Variants in ROR2 observed in about 807,000 individuals in gnomAD.
ROR2 encodes the protein ROR family WNT receptor 2.
ROR2 carries 33 observed loss-of-function variants against 74.9 expected under a neutral mutation model. The observed-to-expected ratio is 0.44, with a 90% CI of 0.33 to 0.59. ROR2 has a LOEUF of 0.59. ROR2 is among the 20% of genes least tolerant of loss of function. The pLI is 0.02. For synonymous variants in ROR2, 586 were observed against 558.7 expected, an observed-to-expected ratio of 1.05 and a Z score of -0.69; for missense variants, 1,216 against 1,313.8, an observed-to-expected ratio of 0.93 and a Z score of 1.15.
chr9:91,737,802 T>A (rs1001727012), intron 4 of ROR2, among the ~76,000 whole-genome samples: 3 of 150,168 alleles, frequency 2.0e-5, no homozygotes, highest in Non-Finnish European at 4.5e-5. Flanking sequence ...TATTTAGTGC[T>A]AAAAAAAAAT....
chr9:91,916,488 C>T (rs1831139194), intron 1 of ROR2, among the ~76,000 whole-genome samples: 1 of 152,214 alleles, frequency 6.6e-6, no homozygotes, highest in Non-Finnish European at 1.5e-5. Context: ...TCACCTTTAC[C>T]CACAGAACTC....
intron 4 of ROR2, among the ~76,000 whole-genome samples, chr9:91,743,201 CAGG>C (rs1269399362): frequency 2.6e-5 from 4 of 152,112 alleles, no homozygotes; most frequent in Admixed American, 6.5e-5. Flanking sequence ...GACAGATCAA[CAGG>C]AGATTTCCAA....
At chr9:91,889,302 A>T (rs1262764488) in intron 1 of ROR2, among the ~76,000 whole-genome samples, 2 of 152,182 alleles carry the variant, frequency 1.3e-5, no homozygotes, top group Non-Finnish European at 2.9e-5. Context: ...CCAGGGCCCC[A>T]GGCACACAAC....
At chr9:91,861,255 T>A (rs1829460233) in intron 1 of ROR2, among the ~76,000 whole-genome samples, 1 of 150,022 alleles carries the variant, frequency 6.7e-6, no homozygotes, top group Admixed American at 6.6e-5. Context: ...TTTTGTTTTG[T>A]TTTGCAGAGA....
At chr9:91,825,743 G>T (rs1828267005) in intron 1 of ROR2, among the ~76,000 whole-genome samples, 1 of 152,056 alleles carries the variant, frequency 6.6e-6, no homozygotes, top group African/African-American at 2.4e-5. Flanking sequence ...CACTTATTTT[G>T]CTGGAAAAAA....
Position 91,859,823 on chromosome 9 carries a change from TCAAACAAA to T in ROR2, c.98-84013_98-84006del, listed in dbSNP as rs372142490. ...CAGGGCAACAGAGTGAGGCTCCGTC[TCAAACAAA>T]CAAACAAACAAACAAAACCATGTGT... On this transcript the variant is annotated intron_variant, in intron 1 of 8. Transcript: ENST00000375708. Among the ~76,000 whole-genome samples, 70 of 152,136 alleles carry T rather than the reference TCAAACAAA, an allele frequency of 4.6e-4. 2 individuals carry two copies. Among genetic ancestry groups the T allele is most frequent in the Admixed American group, 4.4e-3 (68 of 15,294 alleles).
chr9:91,825,303 G>C (rs2119163172), intron 1 of ROR2, among the ~76,000 whole-genome samples: 1 of 152,314 alleles, frequency 6.6e-6, no homozygotes, highest in East Asian at 1.9e-4. Context: ...ACTCTCCCTG[G>C]AAGTGCGGGG....
intron 4 of ROR2, 39 bp from the exon 5 acceptor site, chr9:91,737,557 G>T: frequency 6.2e-7 from 1 of 1,613,948 alleles, no homozygotes; most frequent in Non-Finnish European, 8.5e-7. Flanking sequence ...AGCTCTGGGA[G>T]GTGCCAGGTC....
At position 91,823,800 on chromosome 9, in the gene ROR2, A is replaced by G. The variant is rs576314759; in HGVS notation, c.98-47982T>C. Among the ~76,000 whole-genome samples, 21 of 152,344 alleles carry G rather than the reference A, an allele frequency of 1.4e-4. No homozygotes were observed. The South Asian group carries it at 3.9e-3, about 29-fold the overall frequency. ...ACATTCCCAAGGTGACAATGAATAA[A>G]CAGGATTACATTTAGTTAGGCTGGG... On this transcript the variant is annotated intron_variant, in intron 1 of 8. Coordinates refer to ENST00000375708, the MANE Select transcript of ROR2 (RefSeq NM_004560.4).
chr9:91,811,960 C>A (rs1827764119), intron 1 of ROR2, among the ~76,000 whole-genome samples: 1 of 152,084 alleles, frequency 6.6e-6, no homozygotes, highest in Non-Finnish European at 1.5e-5. Flanking sequence ...TCAGGGATAT[C>A]CAATCTTTTG....
intron 1 of ROR2, among the ~76,000 whole-genome samples, chr9:91,839,294 G>GTGTGTGTGTA (rs1828714117): frequency 7.0e-6 from 1 of 142,526 alleles, no homozygotes; most frequent in African/African-American, 2.6e-5. Flanking sequence ...GTGTGTGTGT[G>GTGTGTGTGTA]TAAGTACAGG....
rs1007516618 is a variant in ROR2 at position 91,804,920 on chromosome 9, T to G, written c.98-29102A>C. 3.2e-4 allele frequency among the ~76,000 whole-genome samples: 49 copies of G among 152,374 alleles called. 1 individual carries two copies. Among genetic ancestry groups the G allele is most frequent in the Non-Finnish European group, 4.4e-5 (3 of 68,030 alleles). ...ACCCCCTAGGAAATTCCTTTTTCTT[T>G]CCTTTGTGATTTAAAAGCTAAAACC... is the stretch of plus-strand genomic sequence containing the variant. On this transcript the variant is annotated intron_variant, in intron 1 of 8. Coordinates refer to ENST00000375708, the MANE Select transcript of ROR2 (RefSeq NM_004560.4).
At chr9:91,824,992 G>T (rs10820906) in intron 1 of ROR2, among the ~76,000 whole-genome samples, 10 of 152,062 alleles carry the variant, frequency 6.6e-5, no homozygotes, top group Non-Finnish European at 1.3e-4. Context: ...TCTGGGCTTG[G>T]GTCCTGTTCC....
chr9:91,819,332 C>T (rs575476030), intron 1 of ROR2, among the ~76,000 whole-genome samples: 3 of 152,342 alleles, frequency 2.0e-5, no homozygotes, highest in African/African-American at 7.2e-5. Context: ...CAGATGCCAA[C>T]CTTCGGGGCT....
At chr9:91,908,739 C>G (rs895757126) in intron 1 of ROR2, among the ~76,000 whole-genome samples, 1 of 152,152 alleles carries the variant, frequency 6.6e-6, no homozygotes, top group Non-Finnish European at 1.5e-5. Context: ...CCAAAATGAG[C>G]TCCACTGAGA....
intron 7 of ROR2, among the ~76,000 whole-genome samples, chr9:91,730,450 T>C (rs1007543203): frequency 7.2e-5 from 11 of 152,296 alleles, no homozygotes; most frequent in African/African-American, 2.4e-4. Flanking sequence ...TAACAACCAA[T>C]AACTTGCGTT....
chr9:91,873,116 G>T (rs1587807867), intron 1 of ROR2, among the ~76,000 whole-genome samples: 1 of 152,160 alleles, frequency 6.6e-6, no homozygotes, highest in Non-Finnish European at 1.5e-5. Context: ...TGTGGGTCCG[G>T]CTTGCTTTTC....
chr9:91,766,487 G>C (rs55648437), intron 2 of ROR2, among the ~76,000 whole-genome samples: 4,784 of 152,224 alleles, frequency 0.031, 117 homozygotes, highest in Non-Finnish European at 0.05. Flanking sequence ...TTATGTGGGA[G>C]GGCTGCCAAA....
intron 1 of ROR2, among the ~76,000 whole-genome samples, chr9:91,895,062 T>C (rs917429297): frequency 1.3e-5 from 2 of 152,214 alleles, no homozygotes; most frequent in African/African-American, 4.8e-5. Flanking sequence ...TTGTGGTACA[T>C]CTAGTGGATG....
Sources: gnomAD v4.1 joint callset for allele counts (sites outside exome capture counted in the v4.1 genomes callset) on GRCh38, gnomAD v4.1.1 for gene constraint, MANE v1.5 for transcripts, NCBI Gene and HGNC (gene_info 2026-07-23, HGNC 2026-07-21) for gene names.